Variants in SH3GL3 observed in about 807,000 individuals in gnomAD.
SH3GL3 encodes endophilin-A3.
A neutral mutation model predicts 47.7 loss-of-function variants in SH3GL3; 33 were observed. The observed-to-expected ratio is 0.69, with a 90% confidence interval of 0.52 to 0.92. The LOEUF (loss-of-function observed/expected upper bound fraction) is 0.92. SH3GL3 is among the 40% of genes least tolerant of loss of function. The probability of loss-of-function intolerance (pLI) is 0.00; values close to 1 mark genes in which losing one functional copy is unlikely to be tolerated. For missense variants in SH3GL3, 363 were observed against 417.8 expected (o/e 0.87, Z 1.14); for synonymous variants, 155 against 148.8 (o/e 1.04, Z -0.30).
At chr15:83,498,633 A>C (rs969348124) in intron 1 of SH3GL3, among the ~76,000 whole-genome samples, 1 of 151,996 alleles carries the variant, frequency 6.6e-6, no homozygotes, top group Non-Finnish European at 1.5e-5. Context: ...AGATCTGTCA[A>C]TCTCTCTCTG....
intron 1 of SH3GL3, among the ~76,000 whole-genome samples, chr15:83,518,736 T>A (rs111549069): frequency 3.3e-5 from 5 of 152,198 alleles, no homozygotes; most frequent in African/African-American, 1.2e-4. Flanking sequence ...AGAAGCTCTT[T>A]AGTTTAATTA....
intron 1 of SH3GL3, among the ~76,000 whole-genome samples, chr15:83,450,097 T>C (rs2039663657): frequency 6.6e-6 from 1 of 152,192 alleles, no homozygotes; most frequent in African/African-American, 2.4e-5. Flanking sequence ...CTCTGTAACC[T>C]TGGGAACATA....
chr15:83,457,375 G>C (rs147508332), intron 1 of SH3GL3, among the ~76,000 whole-genome samples: 337 of 152,352 alleles, frequency 2.2e-3, no homozygotes, highest in African/African-American at 7.8e-3. Context: ...GAGGTTAAAG[G>C]ACACTGCTTG....
chr15:83,608,489 TAGAG>T (rs1324262764), intron 8 of SH3GL3, among the ~76,000 whole-genome samples: 2 of 152,160 alleles, frequency 1.3e-5, no homozygotes, highest in African/African-American at 2.4e-5. Context: ...CTGGGTCAGA[TAGAG>T]AGAAAGTATG....
intron 8 of SH3GL3, chr15:83,609,482 G>C: frequency 2.7e-6 from 1 of 363,916 alleles, no homozygotes; most frequent in Non-Finnish European, 5.4e-6. Context: ...TAGCTTCTGG[G>C]AGACTCCATA....
At position 83,475,769 on chromosome 15, in the gene SH3GL3, C is replaced by T. The variant is rs181567015; in HGVS notation, c.45+28191C>T. Among the ~76,000 whole-genome samples the T allele has an allele frequency of 1.2e-4, 18 of 152,348 alleles. No homozygotes were observed. In the East Asian group the frequency reaches 2.7e-3, roughly 23 times the overall value. Reference sequence around the variant, plus strand: ...CTTCGCACTTACAGCGCACAGAAATCTGAGGTCTGTAGACTCCTGGTTGCT... The same window carrying T: ...CTTCGCACTTACAGCGCACAGAAATTTGAGGTCTGTAGACTCCTGGTTGCT... On this transcript the variant is annotated intron_variant, in intron 1 of 8. Transcript: ENST00000427482.
intron 1 of SH3GL3, among the ~76,000 whole-genome samples, chr15:83,515,313 C>G (rs942791907): frequency 2.6e-5 from 4 of 152,216 alleles, no homozygotes; most frequent in African/African-American, 9.6e-5. Context: ...GCGGTGTTCA[C>G]ACTTTGCTTA....
At chr15:83,493,981 G>A (rs914805101) in intron 1 of SH3GL3, among the ~76,000 whole-genome samples, 1 of 152,248 alleles carries the variant, frequency 6.6e-6, no homozygotes, top group Non-Finnish European at 1.5e-5. Context: ...AACTTCAATC[G>A]GGAGGGATCC....
chr15:83,473,115 A>G (rs573188784), intron 1 of SH3GL3, among the ~76,000 whole-genome samples: 1 of 152,008 alleles, frequency 6.6e-6, no homozygotes, highest in Admixed American at 6.6e-5. Context: ...CTGACTCTCC[A>G]CTAGGCATCC....
chr15:83,609,539 C>T (rs1052630418), intron 8 of SH3GL3: 2 of 323,074 alleles, frequency 6.2e-6, no homozygotes, highest in Non-Finnish European at 1.2e-5. Flanking sequence ...GTATGAATTA[C>T]TTCTCTCTCC....
intron 4 of SH3GL3, among the ~76,000 whole-genome samples, chr15:83,571,579 G>T (rs998801319): frequency 1.2e-4 from 18 of 147,516 alleles, no homozygotes; most frequent in Admixed American, 4.7e-4. Flanking sequence ...GTATCTTTCT[G>T]TTTTTTTTTT....
intron 1 of SH3GL3, among the ~76,000 whole-genome samples, chr15:83,460,023 CCCCTCCCT>C (rs1202681567): frequency 0.084 from 2,702 of 32,052 alleles, 447 homozygotes; most frequent in African/African-American, 0.32. Context: ...CCCGTCCCCT[CCCCTCCCT>C]CCCTCCCTCC....
chr15:83,598,064 T>C (rs1001767122), intron 8 of SH3GL3, among the ~76,000 whole-genome samples: 2 of 152,230 alleles, frequency 1.3e-5, no homozygotes, highest in African/African-American at 2.4e-5. Context: ...GGTTGCCTCC[T>C]GTGGTTAAGG....
rs777079660 is a variant in SH3GL3, at chr15:83,565,223, C to T, written c.187+17C>T. The T allele has an allele frequency of 5.6e-6, 8 of 1,435,750 alleles. No homozygotes were observed. The highest frequency in any genetic ancestry group is 1.4e-5 in the African/African-American group (1 of 71,586). 88.9% of individuals were successfully genotyped at this position (1,435,750 alleles called of 1,614,324 possible). On this transcript the variant is annotated intron_variant, in intron 3 of 8. Transcript: ENST00000427482. Reference sequence around the variant, plus strand: ...CAAATCCAGGTAAAGTTGAAATATTCTCTTGTTCATTTGCTGTCACAGACT... The same window carrying T: ...CAAATCCAGGTAAAGTTGAAATATTTTCTTGTTCATTTGCTGTCACAGACT...
At chr15:83,559,634 A>T (rs72760361) in intron 2 of SH3GL3, among the ~76,000 whole-genome samples, 6,108 of 152,306 alleles carry the variant, frequency 0.04, 158 homozygotes, top group Non-Finnish European at 0.061. Context: ...AATTGGTAGT[A>T]TATGTTTTGG....
chr15:83,533,818 G>A (rs1176843178), intron 1 of SH3GL3, among the ~76,000 whole-genome samples: 1 of 152,206 alleles, frequency 6.6e-6, no homozygotes, highest in African/African-American at 2.4e-5. Flanking sequence ...CCTGGCAGGT[G>A]TTCAGAGCTG....
intron 4 of SH3GL3, 23 bp downstream of exon 4, chr15:83,568,695 G>A (rs1323775604): frequency 6.3e-7 from 1 of 1,598,556 alleles, no homozygotes; most frequent in Non-Finnish European, 8.6e-7. Context: ...GAGATCAGCT[G>A]GGGGAGCTGA....
intron 1 of SH3GL3, among the ~76,000 whole-genome samples, chr15:83,541,729 T>C (rs1045142716): frequency 5.3e-5 from 8 of 152,218 alleles, no homozygotes; most frequent in African/African-American, 1.7e-4. Context: ...GTTGAGCATC[T>C]TTTCATATAC....
At chr15:83,469,886 T>C (rs1244316217) in intron 1 of SH3GL3, among the ~76,000 whole-genome samples, 4 of 152,220 alleles carry the variant, frequency 2.6e-5, no homozygotes, top group African/African-American at 9.6e-5. Context: ...TGATTTTCTG[T>C]CTAGTTCTAT....
Sources: allele counts gnomAD v4.1 joint callset (sites outside exome capture counted in the v4.1 genomes callset), GRCh38; gene constraint gnomAD v4.1.1; transcripts MANE v1.5; gene names NCBI Gene and HGNC (gene_info 2026-07-23, HGNC 2026-07-21).